USP8: variants seen among roughly 807,000 people sequenced by gnomAD.
USP8 encodes ubiquitin specific peptidase 8, also known as ubiquitin carboxyl-terminal hydrolase 8.
A neutral mutation model predicts 130.0 loss-of-function variants in USP8; 27 were observed. The observed-to-expected ratio is 0.21, with a 90% CI of 0.15 to 0.29. USP8 has a LOEUF of 0.29. USP8 is among the 10% of genes least tolerant of loss of function. The pLI is 1.00. For missense variants in USP8, 1,029 were observed against 1,312.2 expected, an observed-to-expected ratio of 0.78 and a Z score of 3.33; for synonymous variants, 392 against 444.1, an observed-to-expected ratio of 0.88 and a Z score of 1.48.
At chr15:50,437,051 A>G (rs2050112456) in intron 1 of USP8, among the ~76,000 whole-genome samples, 1 of 151,702 alleles carries the variant, frequency 6.6e-6, no homozygotes, top group Non-Finnish European at 1.5e-5. Context: ...TTAACCCATA[A>G]CTTCCTAACT....
At position 50,505,664 on chromosome 15, in the gene USP8, AAAATT is replaced by A. The variant is rs1194278597; in HGVS notation, c.*6580_*6584del. On this transcript the variant is annotated 3_prime_UTR_variant, in exon 20 of 20. Transcript: ENST00000307179. ...AATGTCTCCTTTGGAGGCATATTAA[AAAATT>A]AAAAACCGGCTGGGCATGGTGGTTC... The A allele has an allele frequency of 5.3e-5, 8 of 152,286 alleles. No individual in the cohort carries two copies. Among genetic ancestry groups the A allele is most frequent in the African/African-American group, 1.9e-4 (8 of 41,472 alleles). 9.4% of individuals were successfully genotyped at this position (152,286 alleles called of 1,614,324 possible).
intron 10 of USP8, among the ~76,000 whole-genome samples, chr15:50,479,783 C>T (rs1223596290): frequency 2.0e-5 from 3 of 150,414 alleles, no homozygotes; most frequent in Non-Finnish European, 4.4e-5. Flanking sequence ...TTTTTGAAAA[C>T]GGTCTCACTC....
At chr15:50,458,023 C>T (rs146608920) in intron 4 of USP8, among the ~76,000 whole-genome samples, 1 of 151,768 alleles carries the variant, frequency 6.6e-6, no homozygotes, top group East Asian at 1.9e-4. Context: ...GTTTTATCTT[C>T]TCTCTCTCTG....
chr15:50,436,876 A>C lies in USP8; in HGVS notation c.-65-2133A>C, dbSNP rs149414255. Among the ~76,000 whole-genome samples, 820 of 151,840 alleles carry C rather than the reference A, an allele frequency of 5.4e-3. 8 individuals carry two copies. Among genetic ancestry groups the C allele is most frequent in the African/African-American group, 0.019 (774 of 41,390 alleles). On this transcript the variant is annotated intron_variant, in intron 1 of 19. Transcript: ENST00000307179. ...GTAGAGATAGGGTTTCACCATGTTG[A>C]CCAGGCTGGACTTGAACTCATGACC... is the stretch of plus-strand genomic sequence containing the variant.
At chr15:50,475,677 A>G (rs1368707914) in intron 8 of USP8, among the ~76,000 whole-genome samples, 1 of 152,082 alleles carries the variant, frequency 6.6e-6, no homozygotes, top group African/African-American at 2.4e-5. Context: ...ATCTTGGCTC[A>G]CTGCAACCTC....
At position 50,476,926 on chromosome 15, in the gene USP8, C is replaced by T. The variant is rs745354315; in HGVS notation, c.927C>T (p.Pro309=). The change falls in exon 9 of 20, where the codon CCC becomes CCT. Residue 309 remains proline (P), a synonymous_variant. Coordinates refer to ENST00000307179, the MANE Select transcript of USP8 (RefSeq NM_005154.5). ...GGYENWLLCY[P]QYTTNAKVTP... The stretch of plus-strand genomic sequence containing the variant: ...ATGAAAACTGGCTCCTTTGTTATCC[C>T]CAGTATACAACAAATGCTAAGGTCA... The T allele has an allele frequency of 1.9e-6, 3 of 1,609,688 alleles. No homozygotes were observed. The African/African-American group carries it at 4.0e-5, about 22-fold the overall frequency.
chr15:50,432,499 G>A (rs1054789916), intron 1 of USP8: 13 of 152,146 alleles, frequency 8.5e-5, no homozygotes, highest in Admixed American at 6.5e-5. Flanking sequence ...ACTTTAAAAA[G>A]GTCAGTGTGC....
rs746432510 is a variant in USP8, at chr15:50,511,577, T to G, written c.*12489T>G. Reference sequence around the variant, plus strand: ...TGGTATATCCTATACAATGGAATATTATTTGGCAATAAAAAGGAATGAAGT... The same window carrying G: ...TGGTATATCCTATACAATGGAATATGATTTGGCAATAAAAAGGAATGAAGT... On this transcript the variant is annotated 3_prime_UTR_variant, in exon 20 of 20. Transcript: ENST00000307179. 1 of 152,260 alleles carries G rather than the reference T, an allele frequency of 6.6e-6. No individual in the cohort carries two copies. The highest frequency in any genetic ancestry group is 2.4e-5 in the African/African-American group (1 of 41,464). The allele number at this position is 152,260 out of a possible 1,614,324, so 9.4% of individuals were successfully genotyped here.
At chr15:50,456,169 G>A (rs1371982979) in intron 4 of USP8, among the ~76,000 whole-genome samples, 2 of 152,152 alleles carry the variant, frequency 1.3e-5, no homozygotes, top group Non-Finnish European at 2.9e-5. Flanking sequence ...AAGGCGAAAG[G>A]ATAGCATTTT....
intron 8 of USP8, among the ~76,000 whole-genome samples, chr15:50,472,947 G>A (rs1676080766): frequency 1.3e-5 from 2 of 152,080 alleles, no homozygotes; most frequent in African/African-American, 2.4e-5. Flanking sequence ...GCAGAAGACA[G>A]GCAGAAATAT....
intron 3 of USP8, among the ~76,000 whole-genome samples, chr15:50,443,539 G>A (rs1377231639): frequency 2.0e-5 from 3 of 151,568 alleles, no homozygotes; most frequent in Non-Finnish European, 1.5e-5. Context: ...ACTGGAGTGC[G>A]GTAGCTCAAT....
At chr15:50,497,765 T>C (rs903616393) in intron 18 of USP8, 1 of 152,210 alleles carries the variant, frequency 6.6e-6, no homozygotes, top group Non-Finnish European at 1.5e-5. Context: ...TTCTTTGGTC[T>C]TCACATAATC....
At position 50,476,967 on chromosome 15, in the gene USP8, G is replaced by T. The variant is rs759611314; in HGVS notation, c.968G>T (p.Arg323Leu). 2.3e-5 allele frequency: 37 copies of T among 1,606,516 alleles called. No homozygotes were observed. The highest frequency in any genetic ancestry group is 3.1e-5 in the Non-Finnish European group (36 of 1,178,586). ...TNAKVTPPPR[R>L]QNEEVSISLD... is the part of the protein sequence containing the mutation. ...GCTAAGGTCACTCCACCCCCACGAC[G>T]CCAGAATGAAGAGGTGTCTATCTCA... The change falls in exon 9 of 20, where the codon CGC becomes CTC. Residue 323 changes from arginine (R) to leucine (L), a missense_variant. Coordinates refer to ENST00000307179, the MANE Select transcript of USP8 (RefSeq NM_005154.5).
intron 8 of USP8, among the ~76,000 whole-genome samples, chr15:50,472,267 G>C (rs1595952719): frequency 6.6e-6 from 1 of 151,702 alleles, no homozygotes; most frequent in African/African-American, 2.4e-5. Context: ...GCTGGGTGTG[G>C]TAAAATTAAA....
At chr15:50,466,453 G>T (rs2141286385) in intron 7 of USP8, among the ~76,000 whole-genome samples, 1 of 152,186 alleles carries the variant, frequency 6.6e-6, no homozygotes, top group Non-Finnish European at 1.5e-5. Context: ...ACTTCAGCCA[G>T]GTGAGGTGGC....
At position 50,424,467 on chromosome 15, in the gene USP8, G is replaced by A. The variant is rs1201588967; in HGVS notation, c.-113G>A. On this transcript the variant is annotated 5_prime_UTR_variant, in exon 1 of 20. Transcript: ENST00000307179. ...TTCTCCCTCGAGTTCTTGGGAGATG[G>A]GCATTTGGCGAGAAGGCTGGCGTTA... is the stretch of plus-strand genomic sequence containing the variant. 2.5e-6 allele frequency: 1 copy of A among 398,618 alleles called. No homozygotes were observed. Among genetic ancestry groups the A allele is most frequent in the Non-Finnish European group, 4.4e-6 (1 of 226,124 alleles). The allele number at this position is 398,618 out of a possible 1,614,324, so 24.7% of individuals were successfully genotyped here.
chr15:50,477,168 T>A, intron 9 of USP8, 108 bp from the exon 10 acceptor site: 1 of 1,324,366 alleles, frequency 7.6e-7, no homozygotes, highest in South Asian at 1.5e-5. Context: ...TTGTAATTGT[T>A]TTTTCACTTA....
chr15:50,441,334 T>C lies in USP8; in HGVS notation c.105-15T>C, dbSNP rs770431050. ...TGTCAATTGCTTTAATTATTATTTT[T>C]TCTCTAATTTTAAGTTATGTGCACA... On this transcript the variant is annotated splice_polypyrimidine_tract_variant and intron_variant, in intron 2 of 19. Transcript: ENST00000307179. The C allele has an allele frequency of 5.1e-6, 8 of 1,570,526 alleles. No individual in the cohort carries two copies. In the African/African-American group the frequency reaches 1.1e-4, roughly 22 times the overall value.
chr15:50,489,963 C>T (rs2052099163), intron 13 of USP8, 82 bp downstream of exon 13: 1 of 1,161,698 alleles, frequency 8.6e-7, no homozygotes, highest in East Asian at 2.5e-5. Flanking sequence ...TTCTGTAATG[C>T]AGAGTCAATT....
Sources: allele counts gnomAD v4.1 joint callset (sites outside exome capture counted in the v4.1 genomes callset), GRCh38; gene constraint gnomAD v4.1.1; transcripts MANE v1.5; gene names NCBI Gene and HGNC (gene_info 2026-07-23, HGNC 2026-07-21).